The following RASEF variants were observed in gnomAD, a reference collection of about 807,000 sequenced individuals.
RASEF encodes the protein ras and EF-hand domain-containing protein.
A neutral mutation model predicts 90.1 loss-of-function variants in RASEF; 68 were observed. The ratio of observed to expected loss-of-function variants is 0.75; its 90% CI spans 0.62 to 0.92. The LOEUF (loss-of-function observed/expected upper bound fraction) is 0.92, where lower values mean the gene tolerates loss of function less well. RASEF is among the 40% of genes least tolerant of loss of function. The pLI is 0.00. For synonymous variants in RASEF, 331 were observed against 345.2 expected, an observed-to-expected ratio of 0.96 and a Z score of 0.46; for missense variants, 949 against 937.2, an observed-to-expected ratio of 1.01 and a Z score of -0.16.
Position 82,998,642 on chromosome 9 carries a change from T to G in RASEF, c.1724-196A>C, listed in dbSNP as rs544467968. ...ACCACACGTGTGTGCAGAGGCACCA[T>G]CTGCAGGTTGGCTGACTTGGGGAAT... is the stretch of plus-strand genomic sequence containing the variant. On this transcript the variant is annotated intron_variant, in intron 12 of 16. Coordinates refer to ENST00000376447, the MANE Select transcript of RASEF (RefSeq NM_152573.4). 3.3e-5 allele frequency among the ~76,000 whole-genome samples: 5 copies of G among 152,288 alleles called. No homozygotes were observed. The South Asian group carries it at 1.0e-3, about 32-fold the overall frequency.
the RASEF span, among the ~76,000 whole-genome samples, chr9:83,075,852 G>T: frequency 9.2e-5 from 14 of 151,860 alleles, no homozygotes; most frequent in Admixed American, 7.9e-4. Flanking sequence ...AGACAAACTA[G>T]ATAAGTCAGA....
intron 1 of RASEF, chr9:83,055,602 C>G (rs2117886282): frequency 1.4e-6 from 1 of 718,014 alleles, no homozygotes; most frequent in African/African-American, 1.7e-5. Flanking sequence ...CTCTGCCTTC[C>G]TTTTTAGCCC....
chr9:83,130,706 T>A, the RASEF span, among the ~76,000 whole-genome samples: 1 of 152,160 alleles, frequency 6.6e-6, no homozygotes, highest in Non-Finnish European at 1.5e-5. Context: ...AGGAAACAAG[T>A]ATAATGTTCT....
chr9:83,119,624 G>C, the RASEF span, among the ~76,000 whole-genome samples: 1 of 152,094 alleles, frequency 6.6e-6, no homozygotes, highest in Non-Finnish European at 1.5e-5. Flanking sequence ...ACAGACAACA[G>C]GACAAAATTA....
At chr9:83,079,208 C>T in the RASEF span, among the ~76,000 whole-genome samples, 1 of 152,156 alleles carries the variant, frequency 6.6e-6, no homozygotes, top group African/African-American at 2.4e-5. Context: ...GTCTTTAATC[C>T]ATCTTGAGTT....
At chr9:82,994,560 G>A (rs181769098) in intron 14 of RASEF, among the ~76,000 whole-genome samples, 1 of 152,150 alleles carries the variant, frequency 6.6e-6, no homozygotes, top group East Asian at 1.9e-4. Flanking sequence ...CTCCCCCACT[G>A]GAACACAAGC....
the RASEF span, among the ~76,000 whole-genome samples, chr9:83,171,103 C>T: frequency 6.6e-6 from 1 of 151,752 alleles, no homozygotes; most frequent in East Asian, 1.9e-4. Context: ...TCCTTCCATA[C>T]CTAGTTTTTA....
chr9:83,020,667 G>A (rs1020276721), intron 3 of RASEF, among the ~76,000 whole-genome samples: 3 of 152,184 alleles, frequency 2.0e-5, no homozygotes, highest in African/African-American at 7.2e-5. Flanking sequence ...CTGAAGCCAA[G>A]GAAACTAAAG....
At chr9:83,091,040 T>C in the RASEF span, among the ~76,000 whole-genome samples, 1 of 152,220 alleles carries the variant, frequency 6.6e-6, no homozygotes, top group African/African-American at 2.4e-5. Context: ...TAATATTTAC[T>C]GACAGGCTCT....
At chr9:83,193,414 G>GT in the RASEF span, among the ~76,000 whole-genome samples, 1 of 152,312 alleles carries the variant, frequency 6.6e-6, no homozygotes, top group Admixed American at 6.5e-5. Context: ...CTTTTCCCCA[G>GT]TATCACTACG....
intron 1 of RASEF, among the ~76,000 whole-genome samples, chr9:83,033,635 T>C (rs774836535): frequency 4.6e-5 from 7 of 152,120 alleles, no homozygotes; most frequent in Non-Finnish European, 8.8e-5. Context: ...AAGCAAGAGA[T>C]GACATGATCG....
At chr9:83,007,025 C>A (rs1232944114) in intron 7 of RASEF, among the ~76,000 whole-genome samples, 3 of 147,300 alleles carry the variant, frequency 2.0e-5, no homozygotes, top group Non-Finnish European at 4.4e-5. Context: ...ACCCAGGAAG[C>A]AGAGCTTGCA....
At chr9:83,061,151 G>A (rs1005580566) in intron 1 of RASEF, among the ~76,000 whole-genome samples, 5 of 152,206 alleles carry the variant, frequency 3.3e-5, no homozygotes, top group Non-Finnish European at 5.9e-5. Flanking sequence ...GGTTGTAGCA[G>A]TGTTTAAATT....
At chr9:83,194,782 A>G in the RASEF span, among the ~76,000 whole-genome samples, 1 of 152,092 alleles carries the variant, frequency 6.6e-6, no homozygotes, top group South Asian at 2.1e-4. Context: ...GCACTACATT[A>G]TTTATTTTGC....
the RASEF span, among the ~76,000 whole-genome samples, chr9:83,183,301 T>TG: frequency 0.15 from 22,858 of 151,638 alleles, 2,071 homozygotes; most frequent in East Asian, 0.29. Flanking sequence ...TTTGTGTTTT[T>TG]GTGGAAAACA....
the RASEF span, among the ~76,000 whole-genome samples, chr9:83,189,744 C>T: frequency 5.9e-5 from 9 of 152,184 alleles, no homozygotes; most frequent in Non-Finnish European, 1.2e-4. Context: ...GAAATGCTCA[C>T]GTCCAATCCA....
At chr9:83,192,046 C>T in the RASEF span, among the ~76,000 whole-genome samples, 1 of 151,988 alleles carries the variant, frequency 6.6e-6, no homozygotes, top group Middle Eastern at 3.2e-3. Flanking sequence ...ATTGAAAAGT[C>T]AAAAAATAAC....
the RASEF span, among the ~76,000 whole-genome samples, chr9:83,109,737 T>C: frequency 6.6e-6 from 1 of 152,218 alleles, no homozygotes; most frequent in South Asian, 2.1e-4. Flanking sequence ...AATTTGTTAA[T>C]CAAAAATTGT....
the RASEF span, among the ~76,000 whole-genome samples, chr9:83,100,669 G>T: frequency 2.0e-5 from 3 of 152,104 alleles, no homozygotes; most frequent in African/African-American, 7.2e-5. Flanking sequence ...TTCCATGCTT[G>T]CTAGCTTTGT....
Sources: gnomAD v4.1 joint callset for allele counts (sites outside exome capture counted in the v4.1 genomes callset) on GRCh38, gnomAD v4.1.1 for gene constraint, MANE v1.5 for transcripts, NCBI Gene and HGNC (gene_info 2026-07-23, HGNC 2026-07-21) for gene names.